Variants in TMEM132D observed in about 807,000 individuals in gnomAD.
The protein encoded by TMEM132D is transmembrane protein 132D.
Under a neutral mutation model 62.3 loss-of-function variants are expected in TMEM132D, and 21 were observed. The ratio of observed to expected loss-of-function variants is 0.34; its 90% CI spans 0.24 to 0.49. The LOEUF (loss-of-function observed/expected upper bound fraction) is 0.49, where lower values mean the gene tolerates loss of function less well. TMEM132D is among the 20% of genes least tolerant of loss of function. The probability of loss-of-function intolerance (pLI) is 0.99; values close to 1 mark genes in which losing one functional copy is unlikely to be tolerated. For missense variants in TMEM132D, 1,346 were observed against 1,402.8 expected (o/e 0.96, Z 0.65); for synonymous variants, 621 against 575.6 (o/e 1.08, Z -1.13).
At chr12:129,119,436 C>A (rs1875992970) in intron 5 of TMEM132D, among the ~76,000 whole-genome samples, 1 of 152,144 alleles carries the variant, frequency 6.6e-6, no homozygotes, top group African/African-American at 2.4e-5. Flanking sequence ...GAATACTACT[C>A]CACCATAAAA....
chr12:129,158,095 G>T (rs1877296621), intron 5 of TMEM132D, among the ~76,000 whole-genome samples: 1 of 152,124 alleles, frequency 6.6e-6, no homozygotes, highest in African/African-American at 2.4e-5. Context: ...GTTTGGGAAG[G>T]GTACCATTCA....
chr12:129,382,068 A>G (rs1459417650), intron 3 of TMEM132D, among the ~76,000 whole-genome samples: 1 of 152,224 alleles, frequency 6.6e-6, no homozygotes, highest in Admixed American at 6.5e-5. Context: ...CTGGTGGTAC[A>G]AGTCTGAAAA....
At chr12:129,182,106 A>T (rs966021593) in intron 5 of TMEM132D, among the ~76,000 whole-genome samples, 3 of 152,160 alleles carry the variant, frequency 2.0e-5, no homozygotes, top group Admixed American at 6.5e-5. Context: ...TCATGCCTGT[A>T]AACCAAGCAC....
At chr12:129,734,595 C>G (rs1215801679) in intron 1 of TMEM132D, among the ~76,000 whole-genome samples, 1 of 152,086 alleles carries the variant, frequency 6.6e-6, no homozygotes, top group Non-Finnish European at 1.5e-5. Context: ...CAACCAAAAG[C>G]AAGTTTGCCC....
chr12:129,616,780 A>G (rs1419911521), intron 2 of TMEM132D, among the ~76,000 whole-genome samples: 2 of 152,196 alleles, frequency 1.3e-5, no homozygotes, highest in African/African-American at 4.8e-5. Context: ...TCCTTCATAA[A>G]GTACCCAGTC....
At chr12:129,314,446 G>A (rs958586199) in intron 4 of TMEM132D, among the ~76,000 whole-genome samples, 5 of 152,054 alleles carry the variant, frequency 3.3e-5, no homozygotes, top group African/African-American at 7.2e-5. Context: ...TTTATTTCTG[G>A]GTTCTCTATT....
chr12:129,815,874 C>T (rs1225351587), intron 1 of TMEM132D, among the ~76,000 whole-genome samples: 1 of 152,186 alleles, frequency 6.6e-6, no homozygotes, highest in Non-Finnish European at 1.5e-5. Context: ...CGACTGAATA[C>T]TCGTATGAAT....
intron 1 of TMEM132D, among the ~76,000 whole-genome samples, chr12:129,883,896 G>C (rs1874678027): frequency 2.0e-5 from 3 of 152,134 alleles, no homozygotes. Flanking sequence ...AATTAACCAA[G>C]ACTGGATTAT....
At chr12:129,581,124 G>C (rs747047221) in intron 2 of TMEM132D, among the ~76,000 whole-genome samples, 13 of 152,090 alleles carry the variant, frequency 8.5e-5, no homozygotes, top group Non-Finnish European at 1.5e-4. Context: ...TAGTTCCCTC[G>C]AGAGTTCTTT....
intron 1 of TMEM132D, among the ~76,000 whole-genome samples, chr12:129,845,060 T>C (rs1873318356): frequency 6.6e-6 from 1 of 152,210 alleles, no homozygotes; most frequent in South Asian, 2.1e-4. Flanking sequence ...CCTTACCCTG[T>C]GTTTTCAAAA....
At chr12:129,891,331 G>A (rs1258543159) in intron 1 of TMEM132D, among the ~76,000 whole-genome samples, 1 of 152,068 alleles carries the variant, frequency 6.6e-6, no homozygotes, top group Non-Finnish European at 1.5e-5. Context: ...CTCATCTCGG[G>A]GCAAAGGACC....
chr12:129,313,491 G>C (rs1004709086), intron 4 of TMEM132D, among the ~76,000 whole-genome samples: 2 of 151,806 alleles, frequency 1.3e-5, no homozygotes, highest in African/African-American at 4.8e-5. Flanking sequence ...TGAAAATGCT[G>C]TTAATCCATT....
intron 5 of TMEM132D, among the ~76,000 whole-genome samples, chr12:129,097,944 T>G (rs1193259747): frequency 6.6e-6 from 1 of 152,256 alleles, no homozygotes; most frequent in Non-Finnish European, 1.5e-5. Context: ...ATTCTTTCTT[T>G]CATGGATTAC....
chr12:129,483,475 T>G (rs1237038023), intron 3 of TMEM132D, among the ~76,000 whole-genome samples: 1 of 152,264 alleles, frequency 6.6e-6, no homozygotes, highest in Non-Finnish European at 1.5e-5. Flanking sequence ...TACAATATTC[T>G]AACCCTGTGT....
chr12:129,592,037 G>GT (rs1418940455), intron 2 of TMEM132D, among the ~76,000 whole-genome samples: 1 of 152,034 alleles, frequency 6.6e-6, no homozygotes, highest in Admixed American at 6.6e-5. Context: ...GGCTAATAAA[G>GT]TTTTTTTCTT....
At chr12:129,275,106 C>T (rs997760084) in intron 4 of TMEM132D, among the ~76,000 whole-genome samples, 1 of 151,864 alleles carries the variant, frequency 6.6e-6, no homozygotes, top group Admixed American at 6.6e-5. Flanking sequence ...AGTGTGAGAC[C>T]CCACCTTTTT....
intron 3 of TMEM132D, among the ~76,000 whole-genome samples, chr12:129,355,578 G>T (rs1870017259): frequency 6.6e-6 from 1 of 152,190 alleles, no homozygotes; most frequent in Admixed American, 6.5e-5. Flanking sequence ...TTTCCTTGGA[G>T]ATGTTCTTCC....
At chr12:129,546,209 G>A (rs941348170) in intron 2 of TMEM132D, among the ~76,000 whole-genome samples, 9 of 152,094 alleles carry the variant, frequency 5.9e-5, no homozygotes, top group Non-Finnish European at 1.0e-4. Flanking sequence ...AACCAAGAAT[G>A]TGCTTATTTT....
intron 4 of TMEM132D, among the ~76,000 whole-genome samples, chr12:129,256,921 T>C (rs897713478): frequency 9.9e-5 from 15 of 152,166 alleles, no homozygotes; most frequent in Admixed American, 2.0e-4. Flanking sequence ...AGATCCCAGG[T>C]ACCATAAAAA....
Sources: allele counts gnomAD v4.1 joint callset (sites outside exome capture counted in the v4.1 genomes callset), GRCh38; gene constraint gnomAD v4.1.1; transcripts MANE v1.5; gene names NCBI Gene and HGNC (gene_info 2026-07-23, HGNC 2026-07-21).